The following EP300 variants were observed in gnomAD, a reference collection of about 807,000 sequenced individuals.
EP300 encodes EP300 lysine acetyltransferase.
EP300 carries 31 observed loss-of-function variants against 264.0 expected under a neutral mutation model. The ratio of observed to expected loss-of-function variants is 0.12; its 90% CI spans 0.09 to 0.16. The LOEUF (loss-of-function observed/expected upper bound fraction) is 0.16, where lower values mean the gene tolerates loss of function less well. Among genes scored for constraint, EP300 ranks in the 10% least tolerant of loss-of-function variants. The probability of loss-of-function intolerance (pLI) is 1.00; values close to 1 mark genes in which losing one functional copy is unlikely to be tolerated. For missense variants in EP300, 2,766 were observed against 3,052.9 expected, an observed-to-expected ratio of 0.91 and a Z score of 2.21; for synonymous variants, 1,340 against 1,045.4, an observed-to-expected ratio of 1.28 and a Z score of -5.44.
At position 41,160,606 on chromosome 22, in the gene EP300, G is replaced by A. The variant is rs751935988; in HGVS notation, c.3591-36G>A. ...TGGCTTGGGCTGTGTTGTGTGAACGGAACAGTTCACCCCAGTATGGCCTTC... is the reference window on the plus strand; with the variant it reads ...TGGCTTGGGCTGTGTTGTGTGAACGAAACAGTTCACCCCAGTATGGCCTTC... On this transcript the variant is annotated intron_variant, in intron 19 of 30. Transcript: ENST00000263253. 2.5e-6 allele frequency: 4 copies of A among 1,607,422 alleles called. No homozygotes were observed. The Admixed American group carries it at 5.0e-5, about 20-fold the overall frequency.
chr22:41,124,879 A>G (rs1387631135), intron 2 of EP300, among the ~76,000 whole-genome samples: 1 of 152,154 alleles, frequency 6.6e-6, no homozygotes, highest in Non-Finnish European at 1.5e-5. Flanking sequence ...CCTAAATCTT[A>G]ATTTTGATCT....
intron 3 of EP300, chr22:41,126,376 A>C (rs770444673): frequency 1.1e-4 from 27 of 241,430 alleles, no homozygotes; most frequent in Non-Finnish European, 1.9e-4. Context: ...GGGGGAAGGA[A>C]TCTCTGGCAA....
chr22:41,141,307 G>C (rs1293296730), intron 10 of EP300, 85 bp downstream of exon 10: 3 of 1,450,356 alleles, frequency 2.1e-6, no homozygotes, highest in Non-Finnish European at 2.9e-6. Context: ...CTGTAAGCTT[G>C]TGTAACTATT....
intron 2 of EP300, among the ~76,000 whole-genome samples, chr22:41,125,004 C>A (rs1405009277): frequency 6.6e-6 from 1 of 151,738 alleles, no homozygotes; most frequent in Non-Finnish European, 1.5e-5. Flanking sequence ...GTGGCCTGAT[C>A]ATGGCTTACT....
chr22:41,096,984 T>A (rs2058706137), intron 1 of EP300, among the ~76,000 whole-genome samples: 1 of 152,220 alleles, frequency 6.6e-6, no homozygotes, highest in Non-Finnish European at 1.5e-5. Context: ...AACATTTTGA[T>A]CAAGACCATT....
At position 41,099,513 on chromosome 22, in the gene EP300, C is replaced by G. The variant is rs373266069; in HGVS notation, c.94+6415C>G. Among the ~76,000 whole-genome samples the G allele has an allele frequency of 2.6e-5, 4 of 152,298 alleles. No homozygotes were observed. The South Asian group carries it at 6.2e-4, about 24-fold the overall frequency. The stretch of plus-strand genomic sequence containing the variant: ...ATGCCTTTTCCATCTTAACTAATCA[C>G]TTGTCATGCACTGTGGCTGTGATGT... On this transcript the variant is annotated intron_variant, in intron 1 of 30. Transcript: ENST00000263253.
chr22:41,095,434 A>G (rs968679802), intron 1 of EP300, among the ~76,000 whole-genome samples: 2 of 151,524 alleles, frequency 1.3e-5, no homozygotes, highest in Admixed American at 6.6e-5. Context: ...ATTTCACCAT[A>G]TTGGTCAGGC....
chr22:41,167,621 TATA>T (rs1250965804), intron 23 of EP300, among the ~76,000 whole-genome samples: 3 of 62,110 alleles, frequency 4.8e-5, no homozygotes, highest in Non-Finnish European at 7.1e-5. Context: ...TATATATATA[TATA>T]TATATATATA....
intron 3 of EP300, 191 bp downstream of exon 3, chr22:41,126,231 G>A (rs2145708445): frequency 1.6e-6 from 1 of 620,622 alleles, no homozygotes; most frequent in Non-Finnish European, 2.8e-6. Flanking sequence ...TGTTCCATGT[G>A]GTTATTGATC....
At chr22:41,153,627 G>A (rs1393933647) in intron 16 of EP300, among the ~76,000 whole-genome samples, 4 of 152,094 alleles carry the variant, frequency 2.6e-5, no homozygotes, top group African/African-American at 7.2e-5. Flanking sequence ...GCTCTCACCC[G>A]TAGTCCCATC....
intron 29 of EP300, 130 bp from the exon 30 acceptor site, chr22:41,176,117 G>A: frequency 9.7e-7 from 1 of 1,033,468 alleles, no homozygotes; most frequent in East Asian, 2.4e-5. Flanking sequence ...CTATTCAGGA[G>A]GCCATGGTGG....
chr22:41,108,613 C>T (rs1210360945), intron 1 of EP300, among the ~76,000 whole-genome samples: 2 of 152,058 alleles, frequency 1.3e-5, no homozygotes, highest in African/African-American at 4.8e-5. Context: ...CATGATTGGA[C>T]TCAGTGTACA....
rs113329190 is a variant in EP300, at chr22:41,178,623, C to T, written c.6912C>T (p.Ser2304=). 9.7e-5 allele frequency: 157 copies of T among 1,614,144 alleles called. 1 individual carries two copies. The highest frequency in any genetic ancestry group is 1.2e-4 in the Admixed American group (7 of 60,012). The change falls in exon 31 of 31, where the codon TCC becomes TCT. Residue 2304 remains serine, a synonymous_variant. Transcript: ENST00000263253. The part of the protein sequence containing the change: ...LQGQQIPNSL[S]NQVRSPQPVP... ...GCCAGCAGATCCCTAATTCTCTCTC[C>T]AATCAAGTGCGCTCTCCCCAGCCTG...
chr22:41,158,539 A>G (rs1021046670), intron 19 of EP300, 39 bp downstream of exon 19: 4 of 1,556,468 alleles, frequency 2.6e-6, no homozygotes, highest in Non-Finnish European at 3.5e-6. Context: ...CCATGTGTCC[A>G]CATGTCCAGG....
rs2058829754 is a variant in EP300 at position 41,117,764 on chromosome 22, G to A, written c.672G>A (p.Gln224=). ...SAGNLLTEPL[Q]QGSPQMGGQT... Reference sequence around the variant, plus strand: ...GCAACTTACTGACTGAGCCTCTTCAGCAGGGCTCTCCCCAGATGGGAGGAC... The same window carrying A: ...GCAACTTACTGACTGAGCCTCTTCAACAGGGCTCTCCCCAGATGGGAGGAC... Residue 224 remains glutamine, a synonymous_variant, in exon 2 of 31, where the codon CAG becomes CAA. Coordinates refer to ENST00000263253, the MANE Select transcript of EP300 (RefSeq NM_001429.4). 6.2e-7 allele frequency: 1 copy of A among 1,614,236 alleles called. No individual in the cohort carries two copies. The highest frequency in any genetic ancestry group is 1.1e-5 in the South Asian group (1 of 91,090).
intron 2 of EP300, among the ~76,000 whole-genome samples, chr22:41,121,535 T>G (rs1008697938): frequency 6.6e-6 from 1 of 152,076 alleles, no homozygotes; most frequent in Non-Finnish European, 1.5e-5. Flanking sequence ...ACCAAAAGTG[T>G]CAGGAAGAAA....
At position 41,161,478 on chromosome 22, in the gene EP300, A is replaced by G. The variant is rs189961683; in HGVS notation, c.3671+756A>G. ...TAAAAATACAAAAAATTAGCCGGGC[A>G]TGGTGGTGGGCGCCTGTAGTCCCAG... On this transcript the variant is annotated intron_variant, in intron 20 of 30. Transcript: ENST00000263253. Among the ~76,000 whole-genome samples, 1,498 of 152,110 alleles carry G rather than the reference A, an allele frequency of 9.8e-3. 31 individuals carry two copies. Among genetic ancestry groups the G allele is most frequent in the African/African-American group, 0.032 (1,339 of 41,508 alleles).
Position 41,135,664 on chromosome 22 carries a change from A to G in EP300, c.1529-149A>G, listed in dbSNP as rs2058946365. 1.4e-5 allele frequency: 9 copies of G among 657,568 alleles called. 1 individual carries two copies. Among genetic ancestry groups the G allele is most frequent in the South Asian group, 5.3e-5 (3 of 56,222 alleles). The allele number at this position is 657,568 out of a possible 1,614,324, so 40.7% of individuals were successfully genotyped here. A position where few individuals can be genotyped will look rare whatever the true frequency, so the allele number is the denominator to read the frequency against. On this transcript the variant is annotated intron_variant, in intron 6 of 30. Coordinates refer to ENST00000263253, the MANE Select transcript of EP300 (RefSeq NM_001429.4). ...AAGGGTGCTTCAAATCAGCCTTTAC[A>G]TATGTGTTGCCAGTTATATTGTCAA...
chr22:41,174,914 T>A (rs1444714289), intron 29 of EP300: 1 of 152,092 alleles, frequency 6.6e-6, no homozygotes, highest in Non-Finnish European at 1.5e-5. Flanking sequence ...TACATAGGTG[T>A]TCAAAGTATC....
Sources: gnomAD v4.1 joint callset for allele counts (sites outside exome capture counted in the v4.1 genomes callset) on GRCh38, gnomAD v4.1.1 for gene constraint, MANE v1.5 for transcripts, NCBI Gene and HGNC (gene_info 2026-07-23, HGNC 2026-07-21) for gene names.